The following TBK1 variants were observed in gnomAD, a reference collection of about 807,000 sequenced individuals.
The protein encoded by TBK1 is serine/threonine-protein kinase TBK1.
Under a neutral mutation model 99.9 loss-of-function variants are expected in TBK1, and 37 were observed. The ratio of observed to expected loss-of-function variants is 0.37; its 90% CI spans 0.28 to 0.49. The LOEUF is 0.49. Among genes scored for constraint, TBK1 ranks in the 20% least tolerant of loss-of-function variants. The pLI is 0.98. For synonymous variants in TBK1, 258 were observed against 279.8 expected (o/e 0.92, Z 0.78); for missense variants, 644 against 872.5 (o/e 0.74, Z 3.30).
rs1036221859 is a variant in TBK1 at position 64,473,856 on chromosome 12, G to A, written c.541-374G>A. Among the ~76,000 whole-genome samples, 6 of 152,146 alleles carry A rather than the reference G, an allele frequency of 3.9e-5. 1 individual carries two copies. The highest frequency in any genetic ancestry group is 4.2e-4 in the South Asian group (2 of 4,814). ...GGAGGCTGATGCAGGAGAATCACTC[G>A]AACCCGGGAAGCAGAGGTTGCAGTG... On this transcript the variant is annotated intron_variant, in intron 5 of 20. Transcript: ENST00000331710.
chr12:64,499,917 C>G (rs2040971013), intron 20 of TBK1, among the ~76,000 whole-genome samples: 1 of 151,906 alleles, frequency 6.6e-6, no homozygotes, highest in Non-Finnish European at 1.5e-5. Context: ...AGGATGGTCT[C>G]AATCTCTTGA....
intron 5 of TBK1, among the ~76,000 whole-genome samples, chr12:64,470,513 A>G (rs1362359082): frequency 6.6e-6 from 1 of 152,208 alleles, no homozygotes; most frequent in African/African-American, 2.4e-5. Flanking sequence ...AAAGTAGTGA[A>G]CAATTTTTGG....
At position 64,497,653 on chromosome 12, in the gene TBK1, A is replaced by G. The variant is rs2040943947; in HGVS notation, c.1965A>G (p.Gln655=). ...TTTTTTTTTTGATGTTTCAGTTACA[A>G]GAAACTCTGCCTCAGAAAATGTTTA... ...SKYQEYTNEL[Q]ETLPQKMFTA... Residue 655 remains glutamine (Q), a synonymous_variant, in exon 19 of 21, where the codon CAA becomes CAG. Coordinates refer to ENST00000331710, the MANE Select transcript of TBK1 (RefSeq NM_013254.4). 6.4e-7 allele frequency: 1 copy of G among 1,567,494 alleles called. No homozygotes were observed. Among genetic ancestry groups the G allele is most frequent in the South Asian group, 1.2e-5 (1 of 82,454 alleles).
intron 13 of TBK1, among the ~76,000 whole-genome samples, chr12:64,491,826 G>A (rs192928815): frequency 1.3e-4 from 20 of 152,282 alleles, no homozygotes; most frequent in Non-Finnish European, 2.8e-4. Context: ...TGAACAACTA[G>A]TAGGTTATGA....
chr12:64,474,417 G>A, intron 6 of TBK1, 27 bp downstream of exon 6: 2 of 1,584,990 alleles, frequency 1.3e-6, no homozygotes, highest in African/African-American at 1.4e-5. Context: ...TCTAAAATCA[G>A]AGAAGCATTT....
intron 20 of TBK1, among the ~76,000 whole-genome samples, chr12:64,498,806 A>C (rs1275918001): frequency 6.6e-6 from 1 of 151,824 alleles, no homozygotes; most frequent in Non-Finnish European, 1.5e-5. Context: ...AAATACAAAA[A>C]TTAGCTGGGC....
rs1436800959 is a variant in TBK1, at chr12:64,490,067, T to G, written c.1469T>G (p.Leu490Arg). The part of the protein sequence containing the change: ...KVYEKLMKIN[L>R]EAAELGEISD... Reference sequence around the variant, plus strand: ...TATGAAAAGTTGATGAAGATCAACCTGGAAGCGGCAGAGTTAGGTGAAATT... The same window carrying G: ...TATGAAAAGTTGATGAAGATCAACCGGGAAGCGGCAGAGTTAGGTGAAATT... Residue 490 changes from leucine to arginine, a missense_variant, in exon 13 of 21, where the codon CTG becomes CGG. Around this residue, in one of 3 missense-constraint regions of TBK1, gnomAD observed 465 missense variants for 588.0 expected, o/e 0.79. Coordinates refer to ENST00000331710, the MANE Select transcript of TBK1 (RefSeq NM_013254.4). 1 of 1,610,388 alleles carries G rather than the reference T, an allele frequency of 6.2e-7. No homozygotes were observed. The highest frequency in any genetic ancestry group is 1.7e-5 in the Admixed American group (1 of 59,744).
intron 3 of TBK1, 58 bp from the exon 4 acceptor site, chr12:64,464,276 G>T: frequency 7.2e-7 from 1 of 1,391,770 alleles, no homozygotes; most frequent in Non-Finnish European, 9.8e-7. Context: ...ATAAGTACTG[G>T]CATATAATCA....
In TBK1 at chr12:64,495,773, G is replaced by A. The variant is rs186475789; in HGVS notation, c.1718G>A (p.Arg573His). 6.3e-5 allele frequency: 99 copies of A among 1,568,124 alleles called. No individual in the cohort carries two copies. The highest frequency in any genetic ancestry group is 1.4e-4 in the African/African-American group (10 of 72,542). The change falls in exon 15 of 21, where the codon CGT (arginine) becomes CAT (histidine). Residue 573 changes from arginine (R) to histidine (H), a missense_variant and splice_region_variant. Physicochemically the swap from Arg to His is conservative, Grantham distance 29 (BLOSUM62 0). Transcript: ENST00000331710. ...YYQFKKDKAE[R>H]RLAYNEEQIH... is the part of the protein sequence containing the mutation. ...CAGTTCAAAAAAGACAAAGCAGAAC[G>A]TAGTAAGTAAAATTTGCTATTTGTT...
intron 6 of TBK1, among the ~76,000 whole-genome samples, chr12:64,479,141 A>G (rs775164383): frequency 3.3e-5 from 5 of 152,270 alleles, no homozygotes; most frequent in Non-Finnish European, 7.3e-5. Flanking sequence ...ACATTATAGT[A>G]GTGCTGATTC....
intron 3 of TBK1, among the ~76,000 whole-genome samples, chr12:64,461,296 G>T (rs897978384): frequency 1.3e-5 from 2 of 151,884 alleles, no homozygotes; most frequent in Non-Finnish European, 2.9e-5. Flanking sequence ...AATTATAAAA[G>T]AATTGATTTT....
chr12:64,489,711 G>C (rs1448494646), intron 12 of TBK1, among the ~76,000 whole-genome samples: 1 of 150,792 alleles, frequency 6.6e-6, no homozygotes, highest in Non-Finnish European at 1.5e-5. Context: ...TGGGACTACA[G>C]GTGCATGCCA....
At position 64,464,315 on chromosome 12, in the gene TBK1, CAAT is replaced by C; in HGVS notation, c.229-18_229-16del. The C allele has an allele frequency of 7.0e-7, 1 of 1,434,568 alleles. No individual in the cohort carries two copies. The highest frequency in any genetic ancestry group is 2.1e-5 in the African/African-American group (1 of 47,426). 88.9% of individuals were successfully genotyped at this position (1,434,568 alleles called of 1,614,324 possible). A position where few individuals can be genotyped will look rare whatever the true frequency, so the allele number is the denominator to read the frequency against. On this transcript the variant is annotated splice_polypyrimidine_tract_variant and intron_variant, in intron 3 of 20. Transcript: ENST00000331710. ...TTTATTTTTTATGTTGATTCCCAAT[CAAT>C]GATTTTTTTTTTCAGACAACAACAA... is the stretch of plus-strand genomic sequence containing the variant.
intron 5 of TBK1, among the ~76,000 whole-genome samples, chr12:64,468,663 CAATT>C (rs2040630822): frequency 6.6e-6 from 1 of 152,016 alleles, no homozygotes; most frequent in Non-Finnish European, 1.5e-5. Context: ...GGAAAAAAGA[CAATT>C]AACAAGTAAG....
chr12:64,456,780 T>C (rs2040493171), intron 2 of TBK1, among the ~76,000 whole-genome samples: 2 of 149,400 alleles, frequency 1.3e-5, no homozygotes, highest in African/African-American at 5.0e-5. Flanking sequence ...AGGCGGAGGC[T>C]GCAGTGAGCC....
chr12:64,497,708 A>C lies in TBK1; in HGVS notation c.2020A>C (p.Thr674Pro). The change falls in exon 19 of 21, where the codon ACC (threonine) becomes CCC (proline). Residue 674 changes from threonine to proline, a missense_variant. Thr to Pro is a conservative substitution (Grantham distance 38). Coordinates refer to ENST00000331710, the MANE Select transcript of TBK1 (RefSeq NM_013254.4). ...TASSGIKHTM[T>P]PIYPSSNTLV... ...TTCCAGTGGAATCAAACATACCATG[A>C]CCCCAATTTATCCAAGTTCTAACAC... is the stretch of plus-strand genomic sequence containing the variant. 1 of 1,607,198 alleles carries C rather than the reference A, an allele frequency of 6.2e-7. No individual in the cohort carries two copies. The highest frequency in any genetic ancestry group is 1.7e-4 in the Middle Eastern group (1 of 6,030).
chr12:64,471,856 AG>A (rs58942851), intron 5 of TBK1, among the ~76,000 whole-genome samples: 46,871 of 151,900 alleles, frequency 0.31, 7,662 homozygotes, highest in East Asian at 0.56. Flanking sequence ...AATCACTCCC[AG>A]GGAATAGCTT....
chr12:64,471,110 A>C (rs1180947338), intron 5 of TBK1, among the ~76,000 whole-genome samples: 2 of 152,172 alleles, frequency 1.3e-5, no homozygotes, highest in African/African-American at 4.8e-5. Flanking sequence ...CCCATATGTT[A>C]AATTCTCTCT....
intron 15 of TBK1, 50 bp from the exon 16 acceptor site, chr12:64,496,317 T>A: frequency 2.2e-6 from 2 of 911,662 alleles, no homozygotes; most frequent in Non-Finnish European, 3.3e-6. Flanking sequence ...ACATTGTGTA[T>A]AATATTATGA....
Sources: gnomAD v4.1 joint callset for allele counts (sites outside exome capture counted in the v4.1 genomes callset) on GRCh38, gnomAD v4.1.1 for gene constraint, gnomAD v4.1.1 regional missense constraint, MANE v1.5 for transcripts, NCBI Gene and HGNC (gene_info 2026-07-23, HGNC 2026-07-21) for gene names.